Variants in TRPS1 observed in about 807,000 individuals in gnomAD.
The protein encoded by TRPS1 is transcriptional repressor GATA binding 1.
Under a neutral mutation model 101.2 loss-of-function variants are expected in TRPS1, and 6 were observed. The observed-to-expected ratio is 0.06, with a 90% CI of 0.03 to 0.12. The LOEUF is 0.12. Ranked by LOEUF, TRPS1 falls within the 10% of genes least tolerant of loss-of-function variation. The pLI is 1.00. For missense variants in TRPS1, 1,363 were observed against 1,567.0 expected (o/e 0.87, Z 2.20); for synonymous variants, 578 against 589.8 (o/e 0.98, Z 0.29).
chr8:115,477,850 T>C (rs547068247), intron 5 of TRPS1, among the ~76,000 whole-genome samples: 1 of 152,178 alleles, frequency 6.6e-6, no homozygotes, highest in East Asian at 1.9e-4. Context: ...GCTAGATCCA[T>C]CCACATTGTC....
intron 5 of TRPS1, among the ~76,000 whole-genome samples, chr8:115,531,538 T>C (rs1373830568): frequency 6.6e-6 from 1 of 151,620 alleles, no homozygotes; most frequent in Non-Finnish European, 1.5e-5. Context: ...AATAGATTGG[T>C]AGAAAGGAAG....
At chr8:115,571,556 C>A (rs1343302710) in intron 5 of TRPS1, among the ~76,000 whole-genome samples, 1 of 152,054 alleles carries the variant, frequency 6.6e-6, no homozygotes, top group Non-Finnish European at 1.5e-5. Flanking sequence ...AAAGGGAAAG[C>A]AGAATGCTTT....
chr8:115,409,613 C>G lies in TRPS1; in HGVS notation c.*4410G>C, dbSNP rs1812740959. On this transcript the variant is annotated 3_prime_UTR_variant, in exon 7 of 7. Coordinates refer to ENST00000395715, the MANE Select transcript of TRPS1 (RefSeq NM_014112.5). ...CAGCACTATCAGGAACATGTGAGCC[C>G]ACTGTCTATGAAACAGTACTGAAAA... 1 of 152,084 alleles carries G rather than the reference C, an allele frequency of 6.6e-6. No individual in the cohort carries two copies. The highest frequency in any genetic ancestry group is 1.5e-5 in the Non-Finnish European group (1 of 67,994). 9.4% of individuals were successfully genotyped at this position (152,084 alleles called of 1,614,324 possible).
chr8:115,566,335 C>G (rs1817066782), intron 5 of TRPS1, among the ~76,000 whole-genome samples: 1 of 152,194 alleles, frequency 6.6e-6, no homozygotes, highest in African/African-American at 2.4e-5. Context: ...TTCCTTCAAG[C>G]CTGCAGCAAC....
intron 1 of TRPS1, among the ~76,000 whole-genome samples, chr8:115,641,682 T>A (rs767530696): frequency 4.6e-5 from 7 of 152,032 alleles, no homozygotes; most frequent in African/African-American, 7.2e-5. Flanking sequence ...GAGTTCGAGA[T>A]CACCCTGGCC....
intron 5 of TRPS1, among the ~76,000 whole-genome samples, chr8:115,461,732 C>T (rs1330952742): frequency 6.6e-6 from 1 of 152,112 alleles, no homozygotes; most frequent in African/African-American, 2.4e-5. Context: ...CATTGAGAAA[C>T]TAATTTCTAA....
At chr8:115,500,369 T>C (rs1277806800) in intron 5 of TRPS1, among the ~76,000 whole-genome samples, 1 of 152,036 alleles carries the variant, frequency 6.6e-6, no homozygotes, top group Non-Finnish European at 1.5e-5. Context: ...CATTCGTATG[T>C]CGTTACAAAA....
At chr8:115,613,710 G>A (rs1818219664) in intron 3 of TRPS1, among the ~76,000 whole-genome samples, 3 of 152,038 alleles carry the variant, frequency 2.0e-5, no homozygotes. Flanking sequence ...ATGAAGATGA[G>A]TTCATTAATA....
At chr8:115,468,791 T>A (rs186550755) in intron 5 of TRPS1, among the ~76,000 whole-genome samples, 83 of 152,272 alleles carry the variant, frequency 5.5e-4, no homozygotes, top group African/African-American at 1.9e-3. Context: ...ACAGAACTCA[T>A]AATACATTTT....
chr8:115,514,434 A>G (rs1815659121), intron 5 of TRPS1, among the ~76,000 whole-genome samples: 1 of 151,644 alleles, frequency 6.6e-6, no homozygotes, highest in Non-Finnish European at 1.5e-5. Context: ...TAATATCACT[A>G]TACCTCTTTT....
chr8:115,591,089 G>T (rs1190019849), intron 4 of TRPS1, among the ~76,000 whole-genome samples: 2 of 152,102 alleles, frequency 1.3e-5, no homozygotes, highest in African/African-American at 4.8e-5. Context: ...ATGAAAGAAT[G>T]AGCAGTTTAG....
intron 5 of TRPS1, among the ~76,000 whole-genome samples, chr8:115,522,629 T>C (rs1241687266): frequency 1.3e-5 from 2 of 152,006 alleles, no homozygotes; most frequent in African/African-American, 2.4e-5. Context: ...ATGAAATGTG[T>C]GAAATTTTGG....
At chr8:115,467,037 A>C (rs1008760823) in intron 5 of TRPS1, among the ~76,000 whole-genome samples, 2 of 152,106 alleles carry the variant, frequency 1.3e-5, no homozygotes, top group South Asian at 2.1e-4. Flanking sequence ...GTACGATCTC[A>C]CCATAGGCCT....
At chr8:115,427,381 T>G (rs1813212075) in intron 5 of TRPS1, among the ~76,000 whole-genome samples, 1 of 152,212 alleles carries the variant, frequency 6.6e-6, no homozygotes, top group Non-Finnish European at 1.5e-5. Context: ...TAAATAATCA[T>G]CATTGCACAT....
chr8:115,562,011 G>C (rs754866681), intron 5 of TRPS1, among the ~76,000 whole-genome samples: 1 of 151,926 alleles, frequency 6.6e-6, no homozygotes, highest in Non-Finnish European at 1.5e-5. Flanking sequence ...TTCCCAGTAC[G>C]TGTATAAATG....
At chr8:115,538,332 T>C (rs1016498186) in intron 5 of TRPS1, among the ~76,000 whole-genome samples, 2 of 152,220 alleles carry the variant, frequency 1.3e-5, no homozygotes, top group South Asian at 2.1e-4. Context: ...GATTTAATAC[T>C]GTATATTATT....
intron 5 of TRPS1, among the ~76,000 whole-genome samples, chr8:115,461,914 C>A (rs1174632964): frequency 2.0e-5 from 3 of 151,900 alleles, no homozygotes; most frequent in African/African-American, 7.3e-5. Context: ...CTAACAAATT[C>A]CAACCTTAAA....
intron 5 of TRPS1, among the ~76,000 whole-genome samples, chr8:115,465,260 G>A (rs187241471): frequency 2.6e-5 from 4 of 152,156 alleles, no homozygotes. Flanking sequence ...GCATTACTCC[G>A]AGTTTTAGGA....
At chr8:115,555,873 A>AAC (rs1816807277) in intron 5 of TRPS1, among the ~76,000 whole-genome samples, 4 of 151,636 alleles carry the variant, frequency 2.6e-5, no homozygotes, top group African/African-American at 7.3e-5. Flanking sequence ...ACAAACAAAA[A>AAC]AAAAAGCCAG....
Sources: gnomAD v4.1 joint callset for allele counts (sites outside exome capture counted in the v4.1 genomes callset) on GRCh38, gnomAD v4.1.1 for gene constraint, MANE v1.5 for transcripts, NCBI Gene and HGNC (gene_info 2026-07-23, HGNC 2026-07-21) for gene names.